The following TFF2 variants were observed in gnomAD, a reference collection of about 807,000 sequenced individuals.
TFF2 encodes the protein trefoil factor 2.
In TFF2, 19 loss-of-function variants were observed where a neutral mutation model predicts 16.0. That is an observed-to-expected ratio of 1.19 (90% CI 0.83 to 1.74). The LOEUF is 1.74. Ranked by LOEUF, TFF2 falls within the 40% of genes most tolerant of loss-of-function variation. The pLI is 0.00. For missense variants in TFF2, 168 were observed against 166.8 expected (o/e 1.01, Z -0.04); for synonymous variants, 61 against 65.4 (o/e 0.93, Z 0.32).
Position 42,346,422 on chromosome 21 carries a change from A to T in TFF2, c.*111T>A. ...TTAAACCATTGAAAATGAGGAAAAG[A>T]TGGTTAAGAAAACCCAGGATTTCAT... On this transcript the variant is annotated 3_prime_UTR_variant, in exon 4 of 4. Coordinates refer to ENST00000291526, the MANE Select transcript of TFF2 (RefSeq NM_005423.5). 8 of 1,338,406 alleles carry T rather than the reference A, an allele frequency of 6.0e-6. No homozygotes were observed. Among genetic ancestry groups the T allele is most frequent in the Non-Finnish European group, 8.5e-6 (8 of 939,890 alleles). The allele number at this position is 1,338,406 out of a possible 1,614,324, so 82.9% of individuals were successfully genotyped here.
chr21:42,350,758 A>T, intron 1 of TFF2, 121 bp downstream of exon 1: 1 of 1,059,862 alleles, frequency 9.4e-7, no homozygotes, highest in Non-Finnish European at 1.4e-6. Flanking sequence ...CATGTGAACA[A>T]CACACATTGC....
At position 42,348,445 on chromosome 21, in the gene TFF2, A is replaced by T. The variant is rs187854670; in HGVS notation, c.230-813T>A. Among the ~76,000 whole-genome samples the T allele has an allele frequency of 7.7e-3, 1,175 of 152,202 alleles. 13 individuals carry two copies. The highest frequency in any genetic ancestry group is 0.026 in the African/African-American group (1,061 of 41,466). Reference sequence around the variant, plus strand: ...TAGAGGAGACCTACTATATATATATATATTTTTTTCTCAACTAAAGTAAAA... The same window carrying T: ...TAGAGGAGACCTACTATATATATATTTATTTTTTTCTCAACTAAAGTAAAA... On this transcript the variant is annotated intron_variant, in intron 2 of 3. Coordinates refer to ENST00000291526, the MANE Select transcript of TFF2 (RefSeq NM_005423.5).
chr21:42,348,156 G>A (rs974531881), intron 2 of TFF2, among the ~76,000 whole-genome samples: 5 of 152,190 alleles, frequency 3.3e-5, no homozygotes, highest in Non-Finnish European at 7.3e-5. Flanking sequence ...CAATCTTGGG[G>A]ATGAATCCTC....
chr21:42,350,067 C>A, intron 1 of TFF2, 37 bp from the exon 2 acceptor site: 2 of 1,571,548 alleles, frequency 1.3e-6, no homozygotes, highest in African/African-American at 1.3e-5. Flanking sequence ...ACCCTGGTAC[C>A]CCAGACCACA....
At chr21:42,346,661 G>GA in intron 3 of TFF2, 115 bp from the exon 4 acceptor site, 3 of 1,200,702 alleles carry the variant, frequency 2.5e-6, no homozygotes, top group Non-Finnish European at 3.5e-6. Flanking sequence ...ACTGAAGAAG[G>GA]AGCTCCTTTC....
chr21:42,349,018 A>G (rs1476988624), intron 2 of TFF2, among the ~76,000 whole-genome samples: 2 of 151,672 alleles, frequency 1.3e-5, no homozygotes, highest in Non-Finnish European at 2.9e-5. Context: ...GCTCCAGACT[A>G]ACAAACCTGG....
intron 3 of TFF2, 137 bp downstream of exon 3, chr21:42,347,349 T>A: frequency 8.8e-7 from 1 of 1,131,220 alleles, no homozygotes; most frequent in Non-Finnish European, 1.3e-6. Context: ...GCCTTCAGAA[T>A]CCCATAGGAG....
At chr21:42,347,002 C>A (rs1160048581) in intron 3 of TFF2, among the ~76,000 whole-genome samples, 1 of 152,180 alleles carries the variant, frequency 6.6e-6, no homozygotes, top group Non-Finnish European at 1.5e-5. Flanking sequence ...TCACCTCTGC[C>A]GGCGGGACCC....
intron 2 of TFF2, 62 bp from the exon 3 acceptor site, chr21:42,347,694 A>C: frequency 1.3e-6 from 2 of 1,583,958 alleles, no homozygotes; most frequent in Non-Finnish European, 1.7e-6. Context: ...GGAAAGCTCC[A>C]CCCCTTCCTC....
intron 2 of TFF2, among the ~76,000 whole-genome samples, chr21:42,347,843 C>A (rs779045741): frequency 6.6e-6 from 1 of 152,148 alleles, no homozygotes; most frequent in East Asian, 1.9e-4. Context: ...GTGGAAGTGT[C>A]GGCCCCAGCG....
At chr21:42,350,857 A>G (rs1340585478) in intron 1 of TFF2, 22 bp downstream of exon 1, 1 of 1,591,240 alleles carries the variant, frequency 6.3e-7, no homozygotes. Context: ...AAGCACATAA[A>G]AAGACCCTCT....
chr21:42,349,144 T>G (rs1490344166), intron 2 of TFF2, among the ~76,000 whole-genome samples: 2 of 146,382 alleles, frequency 1.4e-5, no homozygotes, highest in Non-Finnish European at 3.0e-5. Flanking sequence ...AGCCCTAGAC[T>G]AACCAGCCTA....
At chr21:42,347,251 T>C (rs1398838942) in intron 3 of TFF2, among the ~76,000 whole-genome samples, 1 of 152,248 alleles carries the variant, frequency 6.6e-6, no homozygotes, top group East Asian at 1.9e-4. Context: ...CCGCTGTTTC[T>C]AGAGCCATCA....
At chr21:42,350,849 G>T in intron 1 of TFF2, 30 bp downstream of exon 1, 1 of 1,573,258 alleles carries the variant, frequency 6.4e-7, no homozygotes, top group Non-Finnish European at 8.6e-7. Context: ...AATAAAGAAA[G>T]CACATAAAAA....
rs2052079440 is a variant in TFF2, at chr21:42,347,568, G to A, written c.294C>T (p.Pro98=). 3.7e-6 allele frequency: 6 copies of A among 1,614,200 alleles called. No individual in the cohort carries two copies. The highest frequency in any genetic ancestry group is 2.2e-5 in the East Asian group (1 of 44,874). Residue 98 remains proline, a synonymous_variant, in exon 3 of 4, where the codon CCC becomes CCT. Transcript: ENST00000291526. Reference sequence around the variant, plus strand: ...AGCACTTCCGAGAGGCGCATTCCTCGGGGCTGATGCCCGGGTAGCCACAGT... The same window carrying A: ...AGCACTTCCGAGAGGCGCATTCCTCAGGGCTGATGCCCGGGTAGCCACAGT... ...RRNCGYPGIS[P]EECASRKCCF... is the part of the protein sequence containing the mutation.
At chr21:42,350,103 G>A in intron 1 of TFF2, 73 bp from the exon 2 acceptor site, 1 of 1,512,942 alleles carries the variant, frequency 6.6e-7, no homozygotes, top group Non-Finnish European at 8.9e-7. Flanking sequence ...GAGGTTCTAG[G>A]GGATGCCTCT....
chr21:42,349,814 G>A, intron 2 of TFF2, 67 bp downstream of exon 2: 1 of 1,485,872 alleles, frequency 6.7e-7, no homozygotes. Context: ...CCTGCTCTGG[G>A]CTCCGCCTGT....
chr21:42,348,935 C>T (rs1224420585), intron 2 of TFF2, among the ~76,000 whole-genome samples: 2 of 150,856 alleles, frequency 1.3e-5, no homozygotes, highest in Non-Finnish European at 3.0e-5. Context: ...TCTAGGCTAC[C>T]TCTAGACTAG....
At chr21:42,349,846 A>AGCT (rs1568859969) in intron 2 of TFF2, 35 bp downstream of exon 2, 1 of 1,555,890 alleles carries the variant, frequency 6.4e-7, no homozygotes, top group African/African-American at 1.4e-5. Context: ...CTGGGTTGCC[A>AGCT]GCTGCTGGCC....
Sources: gnomAD v4.1 joint callset for allele counts (sites outside exome capture counted in the v4.1 genomes callset) on GRCh38, gnomAD v4.1.1 for gene constraint, MANE v1.5 for transcripts, NCBI Gene and HGNC (gene_info 2026-07-23, HGNC 2026-07-21) for gene names.